The following SMYD1 variants were observed in gnomAD, a reference collection of about 807,000 sequenced individuals.
SMYD1 encodes the protein histone-lysine N-methyltransferase SMYD1.
Under a neutral mutation model 54.0 loss-of-function variants are expected in SMYD1, and 49 were observed. The ratio of observed to expected loss-of-function variants is 0.91; its 90% CI spans 0.72 to 1.15. SMYD1 has a LOEUF of 1.15. Ranked by LOEUF, SMYD1 falls within the 50% of genes most tolerant of loss-of-function variation. The probability of loss-of-function intolerance (pLI) is 0.00; values close to 1 mark genes in which losing one functional copy is unlikely to be tolerated. For synonymous variants in SMYD1, 269 were observed against 234.2 expected (o/e 1.15, Z -1.36); for missense variants, 653 against 639.6 (o/e 1.02, Z -0.23).
intron 5 of SMYD1, 150 bp downstream of exon 5, chr2:88,093,705 T>G (rs1392387331): frequency 9.4e-6 from 8 of 853,784 alleles, no homozygotes; most frequent in Non-Finnish European, 1.5e-5. Flanking sequence ...TTAATGCATT[T>G]AAATTAACCA....
At position 88,112,315 on chromosome 2, in the gene SMYD1, A is replaced by G. The variant is rs1012913066; in HGVS notation, c.*1803A>G. ...TATTCGTAGTCTTTTTTTCCATCCT[A>G]TCTTTCTAATATTTGTTGTCTTTAA... is the stretch of plus-strand genomic sequence containing the variant. On this transcript the variant is annotated 3_prime_UTR_variant, in exon 10 of 10. Coordinates refer to ENST00000419482, the MANE Select transcript of SMYD1 (RefSeq NM_198274.4). 1 of 602,034 alleles carries G rather than the reference A, an allele frequency of 1.7e-6. No individual in the cohort carries two copies. The highest frequency in any genetic ancestry group is 3.0e-6 in the Non-Finnish European group (1 of 337,732). 37.3% of individuals were successfully genotyped at this position (602,034 alleles called of 1,614,324 possible).
chr2:88,079,657 T>A (rs1014928935), intron 1 of SMYD1, among the ~76,000 whole-genome samples: 1 of 152,012 alleles, frequency 6.6e-6, no homozygotes, highest in Non-Finnish European at 1.5e-5. Flanking sequence ...CCGTCTGTAC[T>A]AAAAAATACA....
intron 2 of SMYD1, among the ~76,000 whole-genome samples, chr2:88,086,084 A>G (rs1331262470): frequency 6.6e-6 from 1 of 152,242 alleles, no homozygotes; most frequent in Admixed American, 6.5e-5. Flanking sequence ...ATAATTAAAC[A>G]CACATACACA....
In SMYD1 at chr2:88,103,126, T is replaced by G; in HGVS notation, c.957T>G (p.Ala319=). 6.2e-7 allele frequency: 1 copy of G among 1,613,834 alleles called. No homozygotes were observed. Residue 319 remains alanine, a synonymous_variant, in exon 7 of 10, where the codon GCT becomes GCG. Transcript: ENST00000419482. ...ATACATTGGAAAAGATAGACAAGGC[T>G]CGTTCCGAGGGTTTGTATCATGAGG... is the stretch of plus-strand genomic sequence containing the variant. ...SKDTLEKIDK[A]RSEGLYHEVV...
chr2:88,077,379 G>A (rs1438462316), intron 1 of SMYD1, among the ~76,000 whole-genome samples: 2 of 152,220 alleles, frequency 1.3e-5, no homozygotes, highest in African/African-American at 4.8e-5. Flanking sequence ...CGCCTTCTGT[G>A]CTGGGAGCAG....
chr2:88,093,546 C>T lies in SMYD1; in HGVS notation c.689C>T (p.Thr230Ile), dbSNP rs768650202. The T allele has an allele frequency of 6.2e-7, 1 of 1,614,116 alleles. No individual in the cohort carries two copies. The highest frequency in any genetic ancestry group is 8.5e-7 in the Non-Finnish European group (1 of 1,180,008). ...NHEAVKSMFH[T>I]QMRIELRALG... is the part of the protein sequence containing the mutation. ...GAGGCAGTGAAATCCATGTTTCATA[C>T]CCAGATGAGGTGGGTCAGTCCTTTC... The change falls in exon 5 of 10, where the codon ACC (threonine) becomes ATC (isoleucine). Residue 230 changes from threonine to isoleucine, a missense_variant. Physicochemically the swap from Thr to Ile is moderately conservative, Grantham distance 89. Coordinates refer to ENST00000419482, the MANE Select transcript of SMYD1 (RefSeq NM_198274.4).
At chr2:88,105,936 CT>C (rs910643286) in intron 7 of SMYD1, among the ~76,000 whole-genome samples, 6 of 143,004 alleles carry the variant, frequency 4.2e-5, no homozygotes, top group Non-Finnish European at 9.1e-5. Flanking sequence ...AGACTCTTGT[CT>C]CGAAATATAT....
chr2:88,090,148 T>A (rs184974734), intron 3 of SMYD1, among the ~76,000 whole-genome samples: 1 of 152,304 alleles, frequency 6.6e-6, no homozygotes, highest in Admixed American at 6.5e-5. Context: ...CTTAACATCA[T>A]GAACTTACTA....
Position 88,088,021 on chromosome 2 carries a change from G to A in SMYD1, c.474G>A (p.Trp158Ter). 1 of 1,614,140 alleles carries A rather than the reference G, an allele frequency of 6.2e-7. No homozygotes were observed. The highest frequency in any genetic ancestry group is 8.5e-7 in the Non-Finnish European group (1 of 1,180,022). Reference sequence around the variant, plus strand: ...ACGTGGACACATTCTTGCAGTACTGGCCGCCGCAGAGCCAGCAGTTCAGCA... The same window carrying A: ...ACGTGGACACATTCTTGCAGTACTGACCGCCGCAGAGCCAGCAGTTCAGCA... ...RVDVDTFLQY[W>*]PPQSQQFSMQ... is the part of the protein sequence containing the mutation. The change falls in exon 3 of 10, where the codon TGG (tryptophan) becomes TGA (stop). Residue 158 changes from tryptophan (W) to a stop codon, truncating the protein, a stop_gained. Transcript: ENST00000419482. LOFTEE classifies it high-confidence loss of function.
At chr2:88,087,663 A>G (rs1219646822) in intron 2 of SMYD1, among the ~76,000 whole-genome samples, 199 bp from the exon 3 acceptor site, 1 of 152,222 alleles carries the variant, frequency 6.6e-6, no homozygotes, top group East Asian at 1.9e-4. Flanking sequence ...TCTGCATAGC[A>G]CTTTCTATGT....
chr2:88,085,801 A>C lies in SMYD1; in HGVS notation c.314+1309A>C, dbSNP rs563386385. On this transcript the variant is annotated intron_variant, in intron 2 of 9. Transcript: ENST00000419482. ...TGTGAAGACACCTCAGTTTCCAGGC[A>C]CCTGGAGTCCCATGCGGGGCATTTC... Among the ~76,000 whole-genome samples, 3 of 152,268 alleles carry C rather than the reference A, an allele frequency of 2.0e-5. No homozygotes were observed. In the South Asian group the frequency reaches 6.2e-4, roughly 32 times the overall value.
intron 3 of SMYD1, among the ~76,000 whole-genome samples, chr2:88,089,565 A>T (rs545482032): frequency 1.4e-4 from 21 of 147,448 alleles, no homozygotes; most frequent in Non-Finnish European, 1.5e-5. Flanking sequence ...CTGTATTTTC[A>T]GGAGCCAGAG....
intron 1 of SMYD1, among the ~76,000 whole-genome samples, chr2:88,068,447 C>A (rs1416817282): frequency 6.6e-6 from 1 of 152,094 alleles, no homozygotes; most frequent in Non-Finnish European, 1.5e-5. Context: ...ACCCAGGAAT[C>A]CACTTTCCCT....
chr2:88,096,511 C>G lies in SMYD1; in HGVS notation c.699-84C>G, dbSNP rs1435083461. On this transcript the variant is annotated intron_variant, in intron 5 of 9. Coordinates refer to ENST00000419482, the MANE Select transcript of SMYD1 (RefSeq NM_198274.4). ...CAGTGAAAGTCATTGTCTTTGAGAC[C>G]CAACTCCATGAAGCCTTGGAGAGCA... 4.1e-6 allele frequency: 5 copies of G among 1,225,060 alleles called. No individual in the cohort carries two copies. The South Asian group carries it at 7.4e-5, about 18-fold the overall frequency. 75.9% of individuals were successfully genotyped at this position (1,225,060 alleles called of 1,614,324 possible). A position where few individuals can be genotyped will look rare whatever the true frequency, so the allele number is the denominator to read the frequency against.
At chr2:88,094,098 G>T (rs1310873076) in intron 5 of SMYD1, among the ~76,000 whole-genome samples, 1 of 95,772 alleles carries the variant, frequency 1.0e-5, no homozygotes, top group Non-Finnish European at 2.2e-5. Flanking sequence ...CCCCAGATGG[G>T]TCTTAGGGTG....
At chr2:88,089,072 C>T (rs1028015615) in intron 3 of SMYD1, among the ~76,000 whole-genome samples, 36 of 152,184 alleles carry the variant, frequency 2.4e-4, no homozygotes, top group Admixed American at 7.2e-4. Context: ...TTGGCTCACG[C>T]AATGGTGGAG....
At chr2:88,069,479 A>G (rs1253919660) in intron 1 of SMYD1, among the ~76,000 whole-genome samples, 1 of 152,096 alleles carries the variant, frequency 6.6e-6, no homozygotes, top group Non-Finnish European at 1.5e-5. Flanking sequence ...ACAGTTAGGG[A>G]GCCAGCTGGA....
At chr2:88,073,734 A>G (rs1315720577) in intron 1 of SMYD1, among the ~76,000 whole-genome samples, 1 of 152,356 alleles carries the variant, frequency 6.6e-6, no homozygotes. Context: ...TCATCCCAAT[A>G]CTGGCCAACA....
chr2:88,069,101 A>G (rs1194574382), intron 1 of SMYD1, among the ~76,000 whole-genome samples: 1 of 152,170 alleles, frequency 6.6e-6, no homozygotes, highest in African/African-American at 2.4e-5. Context: ...TTAAATTAGT[A>G]ATAAATCTTC....
Sources: allele counts gnomAD v4.1 joint callset (sites outside exome capture counted in the v4.1 genomes callset), GRCh38; gene constraint gnomAD v4.1.1; transcripts MANE v1.5; gene names NCBI Gene and HGNC (gene_info 2026-07-23, HGNC 2026-07-21).